The following ZNF641 variants were observed in gnomAD, a reference collection of about 807,000 sequenced individuals.
ZNF641 encodes zinc finger protein 641.
In ZNF641, 26 loss-of-function variants were observed where a neutral mutation model predicts 46.2. That is an observed-to-expected ratio of 0.56 (90% CI 0.41 to 0.78). ZNF641 has a LOEUF of 0.78. ZNF641 is among the 30% of genes least tolerant of loss of function. The probability of loss-of-function intolerance (pLI) is 0.00; values close to 1 mark genes in which losing one functional copy is unlikely to be tolerated. For synonymous variants in ZNF641, 163 were observed against 187.9 expected, an observed-to-expected ratio of 0.87 and a Z score of 1.09; for missense variants, 469 against 517.8, an observed-to-expected ratio of 0.91 and a Z score of 0.91.
chr12:48,349,081 GAGA>G (rs1421353495), intron 1 of ZNF641, among the ~76,000 whole-genome samples: 1 of 152,210 alleles, frequency 6.6e-6, no homozygotes, highest in Non-Finnish European at 1.5e-5. Flanking sequence ...TCTCTGTCTG[GAGA>G]AGAAGGCTGA....
In ZNF641 at chr12:48,341,927, T is replaced by G; in HGVS notation, c.*1046A>C. 1 of 983,348 alleles carries G rather than the reference T, an allele frequency of 1.0e-6. No homozygotes were observed. The highest frequency in any genetic ancestry group is 1.2e-6 in the Non-Finnish European group (1 of 827,918). 60.9% of individuals were successfully genotyped at this position (983,348 alleles called of 1,614,324 possible). A position where few individuals can be genotyped will look rare whatever the true frequency, so the allele number is the denominator to read the frequency against. On this transcript the variant is annotated 3_prime_UTR_variant, in exon 6 of 6. Coordinates refer to ENST00000547026, the MANE Select transcript of ZNF641 (RefSeq NM_001172681.2). ...CTAGTTCTCCCTTAACCAGACTGCTTCCTGTCTTGAAACAAAGAAAAAACC... is the reference window on the plus strand; with the variant it reads ...CTAGTTCTCCCTTAACCAGACTGCTGCCTGTCTTGAAACAAAGAAAAAACC...
chr12:48,346,184 A>T (rs181336537), intron 3 of ZNF641, among the ~76,000 whole-genome samples: 1 of 152,088 alleles, frequency 6.6e-6, no homozygotes, highest in Non-Finnish European at 1.5e-5. Context: ...GATTACAGGC[A>T]TGAGCCACCG....
rs1357036802 is a variant in ZNF641, at chr12:48,340,631, T to G, written c.*2342A>C. 1.0e-6 allele frequency: 1 copy of G among 985,338 alleles called. No individual in the cohort carries two copies. Among genetic ancestry groups the G allele is most frequent in the Non-Finnish European group, 1.2e-6 (1 of 829,938 alleles). 61.0% of individuals were successfully genotyped at this position (985,338 alleles called of 1,614,324 possible). On this transcript the variant is annotated 3_prime_UTR_variant, in exon 6 of 6. Coordinates refer to ENST00000547026, the MANE Select transcript of ZNF641 (RefSeq NM_001172681.2). ...TTTAGATCGGGGAACTCCCTTTCTT[T>G]GAAGGCAGTTTAGGGATTCCACAGA...
rs534347086 is a variant in ZNF641 at position 48,339,761 on chromosome 12, T to A, written c.*3212A>T. Reference sequence around the variant, plus strand: ...GGAAAGGGAGGAATTTTGTCCCAAATTATCACCTCTTTGGTTCTCTGAAGC... The same window carrying A: ...GGAAAGGGAGGAATTTTGTCCCAAAATATCACCTCTTTGGTTCTCTGAAGC... On this transcript the variant is annotated 3_prime_UTR_variant, in exon 6 of 6. Transcript: ENST00000547026. 1.4e-3 allele frequency: 303 copies of A among 211,588 alleles called. No individual in the cohort carries two copies. The highest frequency in any genetic ancestry group is 2.0e-3 in the Non-Finnish European group (247 of 122,256). The allele number at this position is 211,588 out of a possible 1,614,324, so 13.1% of individuals were successfully genotyped here. A position where few individuals can be genotyped will look rare whatever the true frequency, so the allele number is the denominator to read the frequency against.
intron 5 of ZNF641, 147 bp from the exon 6 acceptor site, chr12:48,343,874 G>A: frequency 2.8e-6 from 2 of 706,786 alleles, no homozygotes; most frequent in Non-Finnish European, 4.3e-6. Context: ...TGTCGTACAA[G>A]ACAGTGCAAT....
At position 48,342,338 on chromosome 12, in the gene ZNF641, G is replaced by T. The variant is rs776202138; in HGVS notation, c.*635C>A. 6 of 985,642 alleles carry T rather than the reference G, an allele frequency of 6.1e-6. No individual in the cohort carries two copies. Among genetic ancestry groups the T allele is most frequent in the Non-Finnish European group, 7.2e-6 (6 of 830,270 alleles). The allele number at this position is 985,642 out of a possible 1,614,324, so 61.1% of individuals were successfully genotyped here. A position where few individuals can be genotyped will look rare whatever the true frequency, so the allele number is the denominator to read the frequency against. On this transcript the variant is annotated 3_prime_UTR_variant, in exon 6 of 6. Coordinates refer to ENST00000547026, the MANE Select transcript of ZNF641 (RefSeq NM_001172681.2). ...ACAGACCCACACATGAACAAGGTCT[G>T]GCCCCCCTGGCTTTCATATGGATAA...
At chr12:48,344,908 C>T (rs1952825999) in intron 4 of ZNF641, 196 bp from the exon 5 acceptor site, 1 of 549,276 alleles carries the variant, frequency 1.8e-6, no homozygotes, top group Admixed American at 3.4e-5. Flanking sequence ...TAGAAAATCA[C>T]TCTCCTTCCC....
At chr12:48,347,197 A>G (rs563705556) in intron 3 of ZNF641, 55 bp downstream of exon 3, 129 of 1,613,196 alleles carry the variant, frequency 8.0e-5, no homozygotes, top group Non-Finnish European at 1.1e-4. Flanking sequence ...TGCGAAAGCA[A>G]TACAAAGGCA....
chr12:48,340,389 C>T lies in ZNF641; in HGVS notation c.*2584G>A, dbSNP rs1335521987. The T allele has an allele frequency of 1.0e-6, 1 of 985,316 alleles. No homozygotes were observed. The highest frequency in any genetic ancestry group is 1.2e-6 in the Non-Finnish European group (1 of 829,938). The allele number at this position is 985,316 out of a possible 1,614,324, so 61.0% of individuals were successfully genotyped here. A position where few individuals can be genotyped will look rare whatever the true frequency, so the allele number is the denominator to read the frequency against. ...GGCGTGATCTAATAGTAAGGAATAT[C>T]ACTTCCCACAAGTCCTTCAAACAAG... On this transcript the variant is annotated 3_prime_UTR_variant, in exon 6 of 6. Transcript: ENST00000547026.
chr12:48,343,843 G>T (rs1215768944), intron 5 of ZNF641, 116 bp from the exon 6 acceptor site: 1 of 981,806 alleles, frequency 1.0e-6, no homozygotes, highest in Admixed American at 3.3e-5. Context: ...ACCCCAGAAG[G>T]GCTGAGAGAA....
rs1333397763 is a variant in ZNF641 at position 48,343,420 on chromosome 12, T to A, written c.828A>T (p.Arg276Ser). 6.2e-7 allele frequency: 1 copy of A among 1,613,614 alleles called. No individual in the cohort carries two copies. Among genetic ancestry groups the A allele is most frequent in the South Asian group, 1.1e-5 (1 of 91,036 alleles). The change falls in exon 6 of 6, where the codon AGA (arginine) becomes AGT (serine). Residue 276 changes from arginine to serine, a missense_variant. By Grantham distance (110) the Arg-to-Ser change is moderately radical. Coordinates refer to ENST00000547026, the MANE Select transcript of ZNF641 (RefSeq NM_001172681.2). The part of the protein sequence containing the change: ...ARHQQTHTGE[R>S]PYSCLKCEKT... ...TCTCACACTTGAGGCAGCTGTAGGGTCTCTCCCCAGTGTGTGTTTGTTGAT... is the reference window on the plus strand; with the variant it reads ...TCTCACACTTGAGGCAGCTGTAGGGACTCTCCCCAGTGTGTGTTTGTTGAT...
rs1435583832 is a variant in ZNF641 at position 48,350,796 on chromosome 12, C to G, written c.-36G>C. ...CCCGGCTCCACTCACCCCCGGTAGG[C>G]TTGGCCCGCGGCCCGGTGCCTCCCT... On this transcript the variant is annotated 5_prime_UTR_variant, in exon 1 of 6. Transcript: ENST00000547026. 7 of 983,642 alleles carry G rather than the reference C, an allele frequency of 7.1e-6. No homozygotes were observed. Among genetic ancestry groups the G allele is most frequent in the African/African-American group, 1.7e-5 (1 of 57,208 alleles). 60.9% of individuals were successfully genotyped at this position (983,642 alleles called of 1,614,324 possible). A position where few individuals can be genotyped will look rare whatever the true frequency, so the allele number is the denominator to read the frequency against.
intron 2 of ZNF641, among the ~76,000 whole-genome samples, 160 bp downstream of exon 2, chr12:48,347,747 C>T (rs1952919559): frequency 1.3e-5 from 2 of 152,190 alleles, no homozygotes; most frequent in Admixed American, 1.3e-4. Context: ...AATTCAGGAG[C>T]CTATTCTGTA....
Position 48,341,517 on chromosome 12 carries a change from T to G in ZNF641, c.*1456A>C, listed in dbSNP as rs1445294647. On this transcript the variant is annotated 3_prime_UTR_variant, in exon 6 of 6. Transcript: ENST00000547026. ...AAACCAACCAGAAAGCTTATTACCC[T>G]GCAGCAGCTGAAAAGCTAAGCCACA... is the stretch of plus-strand genomic sequence containing the variant. 24 of 985,436 alleles carry G rather than the reference T, an allele frequency of 2.4e-5. No individual in the cohort carries two copies. Among genetic ancestry groups the G allele is most frequent in the Non-Finnish European group, 2.8e-5 (23 of 829,942 alleles). 61.0% of individuals were successfully genotyped at this position (985,436 alleles called of 1,614,324 possible).
chr12:48,350,021 T>C (rs778564231), intron 1 of ZNF641: 1 of 1,614,146 alleles, frequency 6.2e-7, no homozygotes, highest in Non-Finnish European at 8.5e-7. Context: ...CTAGCAAAAA[T>C]CTCAGCAAAG....
At position 48,347,988 on chromosome 12, in the gene ZNF641, G is replaced by A. The variant is rs373026137; in HGVS notation, c.103C>T (p.Arg35Trp). 1.2e-5 allele frequency: 19 copies of A among 1,614,188 alleles called. No homozygotes were observed. The African/African-American group carries it at 1.5e-4, about 12-fold the overall frequency. Residue 35 changes from arginine to tryptophan, a missense_variant, in exon 2 of 6, where the codon CGG becomes TGG. Arg to Trp is a moderately radical substitution (Grantham distance 101). Coordinates refer to ENST00000547026, the MANE Select transcript of ZNF641 (RefSeq NM_001172681.2). ...PQVERGSQEE[R>W]PWRTVPGPLE... ...GGTCCTGGTACTGTTCTCCATGGCC[G>A]CTCTTCCTGGCTTCCCCTTTCCACC...
chr12:48,335,861 G>C (rs575297454), downstream of ZNF641, among the ~76,000 whole-genome samples: 2 of 152,330 alleles, frequency 1.3e-5, no homozygotes, highest in South Asian at 4.1e-4. Flanking sequence ...ATTTGAGTGA[G>C]ACATTTGGGT....
Position 48,339,980 on chromosome 12 carries a change from T to C in ZNF641, c.*2993A>G. On this transcript the variant is annotated 3_prime_UTR_variant, in exon 6 of 6. Coordinates refer to ENST00000547026, the MANE Select transcript of ZNF641 (RefSeq NM_001172681.2). The stretch of plus-strand genomic sequence containing the variant: ...GGTGGAGGTACCAGATGGAAAAATG[T>C]GACAGGTTCCTGAAGATGATATCCC... 2.0e-6 allele frequency: 2 copies of C among 985,432 alleles called. No homozygotes were observed. Among genetic ancestry groups the C allele is most frequent in the Non-Finnish European group, 2.4e-6 (2 of 829,930 alleles). The allele number at this position is 985,432 out of a possible 1,614,324, so 61.0% of individuals were successfully genotyped here. A position where few individuals can be genotyped will look rare whatever the true frequency, so the allele number is the denominator to read the frequency against.
At position 48,340,298 on chromosome 12, in the gene ZNF641, T is replaced by C; in HGVS notation, c.*2675A>G. On this transcript the variant is annotated 3_prime_UTR_variant, in exon 6 of 6. Transcript: ENST00000547026. ...TATACTTGCACCTAACTCTGGGGGC[T>C]TCACTTTCTATCCCTACAATTACTC... 1.0e-6 allele frequency: 1 copy of C among 985,456 alleles called. No individual in the cohort carries two copies. Among genetic ancestry groups the C allele is most frequent in the African/African-American group, 1.7e-5 (1 of 57,366 alleles). The allele number at this position is 985,456 out of a possible 1,614,324, so 61.0% of individuals were successfully genotyped here. A position where few individuals can be genotyped will look rare whatever the true frequency, so the allele number is the denominator to read the frequency against.
Sources: allele counts gnomAD v4.1 joint callset (sites outside exome capture counted in the v4.1 genomes callset), GRCh38; gene constraint gnomAD v4.1.1; transcripts MANE v1.5; gene names NCBI Gene and HGNC (gene_info 2026-07-23, HGNC 2026-07-21).